TENM4: variants seen among roughly 807,000 people sequenced by gnomAD.
TENM4 encodes teneurin-4.
A neutral mutation model predicts 243.3 loss-of-function variants in TENM4; 82 were observed. The observed-to-expected ratio is 0.34, with a 90% CI of 0.28 to 0.40. The LOEUF (loss-of-function observed/expected upper bound fraction) is 0.40. Ranked by LOEUF, TENM4 falls within the 10% of genes least tolerant of loss-of-function variation. TENM4 has a pLI of 1.00. For missense variants in TENM4, 3,138 were observed against 3,673.3 expected, an observed-to-expected ratio of 0.85 and a Z score of 3.77; for synonymous variants, 1,412 against 1,456.3, an observed-to-expected ratio of 0.97 and a Z score of 0.69.
chr11:79,186,891 C>T lies in TENM4; in HGVS notation c.-163+28917G>A, dbSNP rs1025348425. Among the ~76,000 whole-genome samples the T allele has an allele frequency of 6.6e-5, 10 of 152,166 alleles. 1 individual carries two copies. In the South Asian group the frequency reaches 1.2e-3, roughly 19 times the overall value. The stretch of plus-strand genomic sequence containing the variant: ...ATTTACTGCATCTGAAACAGCCCCT[C>T]GGAGCCCGATTCTCTGGCTATTGGC... On this transcript the variant is annotated intron_variant, in intron 3 of 33. Coordinates refer to ENST00000278550, the MANE Select transcript of TENM4 (RefSeq NM_001098816.3).
At chr11:79,034,598 TA>T (rs1859330127) in intron 6 of TENM4, among the ~76,000 whole-genome samples, 1 of 152,002 alleles carries the variant, frequency 6.6e-6, no homozygotes, top group South Asian at 2.1e-4. Context: ...AATTTTTTTT[TA>T]AATTAGGTAT....
At chr11:78,720,463 G>C (rs1859622042) in intron 24 of TENM4, 73 bp from the exon 25 acceptor site, 5 of 1,554,574 alleles carry the variant, frequency 3.2e-6, no homozygotes, top group Middle Eastern at 1.7e-4. Context: ...AGCATTATTA[G>C]CAGCCTGAAA....
In TENM4 at chr11:79,176,329, T is replaced by G. The variant is rs183980290; in HGVS notation, c.-162-27523A>C. 2.2e-4 allele frequency among the ~76,000 whole-genome samples: 33 copies of G among 152,306 alleles called. No individual in the cohort carries two copies. The East Asian group carries it at 6.4e-3, about 29-fold the overall frequency. The stretch of plus-strand genomic sequence containing the variant: ...TTCTACACTCCATTTACTCCAGTTC[T>G]GCTCAATGGCCACTGACTCCTTGCC... On this transcript the variant is annotated intron_variant, in intron 3 of 33. Transcript: ENST00000278550.
intron 3 of TENM4, among the ~76,000 whole-genome samples, chr11:79,173,568 A>T (rs868118133): frequency 1.3e-5 from 2 of 152,298 alleles, no homozygotes; most frequent in Middle Eastern, 3.4e-3. Context: ...TCAATAATAA[A>T]CATGGTATTT....
chr11:78,843,440 T>C (rs1858308551), intron 12 of TENM4, among the ~76,000 whole-genome samples: 1 of 152,088 alleles, frequency 6.6e-6, no homozygotes, highest in Non-Finnish European at 1.5e-5. Flanking sequence ...CGAGCTATGA[T>C]TGTGCCACTG....
intron 28 of TENM4, among the ~76,000 whole-genome samples, chr11:78,695,236 G>A (rs1410093903): frequency 4.6e-5 from 7 of 151,964 alleles, no homozygotes; most frequent in Admixed American, 3.3e-4. Context: ...TTTTGGTAGA[G>A]ATGGGTATTT....
chr11:79,220,609 C>A (rs1274411876), intron 2 of TENM4, among the ~76,000 whole-genome samples: 1 of 152,170 alleles, frequency 6.6e-6, no homozygotes, highest in Non-Finnish European at 1.5e-5. Flanking sequence ...TTCCTCCTCA[C>A]AAATTTACCA....
chr11:79,139,785 T>A (rs11819872), intron 4 of TENM4, among the ~76,000 whole-genome samples: 658 of 18,872 alleles, frequency 0.035, 100 homozygotes, highest in Middle Eastern at 0.1. Flanking sequence ...ATAATATATA[T>A]TATATTTATA....
chr11:78,959,502 C>T (rs1311131482), intron 6 of TENM4, among the ~76,000 whole-genome samples: 1 of 152,114 alleles, frequency 6.6e-6, no homozygotes, highest in Admixed American at 6.6e-5. Context: ...TTTTGGGTTT[C>T]AGGAGAGAGG....
At chr11:78,711,397 T>G (rs912429502) in intron 26 of TENM4, among the ~76,000 whole-genome samples, 7 of 152,126 alleles carry the variant, frequency 4.6e-5, no homozygotes, top group African/African-American at 7.2e-5. Flanking sequence ...ATAAGGAAAA[T>G]GAGGCTCAGA....
chr11:79,016,104 A>C (rs1323631311), intron 6 of TENM4, among the ~76,000 whole-genome samples: 1 of 152,222 alleles, frequency 6.6e-6, no homozygotes, highest in African/African-American at 2.4e-5. Context: ...GGAGTATTGT[A>C]GGCATGGTCA....
intron 6 of TENM4, among the ~76,000 whole-genome samples, chr11:79,052,882 G>A (rs773378186): frequency 1.1e-4 from 17 of 152,218 alleles, no homozygotes; most frequent in Non-Finnish European, 2.5e-4. Flanking sequence ...CTTCTCAGGA[G>A]GCATTCCTGC....
chr11:79,185,169 A>G (rs576476309), intron 3 of TENM4, among the ~76,000 whole-genome samples: 1 of 152,212 alleles, frequency 6.6e-6, no homozygotes, highest in South Asian at 2.1e-4. Context: ...GTGGTGGCAC[A>G]TGCCTGCAGT....
At chr11:79,178,947 A>G (rs946820443) in intron 3 of TENM4, among the ~76,000 whole-genome samples, 1 of 152,256 alleles carries the variant, frequency 6.6e-6, no homozygotes, top group East Asian at 1.9e-4. Flanking sequence ...AGCAGAGGAA[A>G]TCAAATAAAA....
chr11:78,871,677 G>A (rs1181060686), intron 9 of TENM4, among the ~76,000 whole-genome samples: 2 of 152,180 alleles, frequency 1.3e-5, no homozygotes, highest in South Asian at 2.1e-4. Context: ...CTCATTGCTT[G>A]TTCTTCCATC....
chr11:79,302,423 T>A (rs1388195658), intron 1 of TENM4, among the ~76,000 whole-genome samples: 5 of 152,242 alleles, frequency 3.3e-5, no homozygotes, highest in Non-Finnish European at 1.5e-5. Flanking sequence ...CTCCACCCTA[T>A]GTTTTGCCTC....
intron 2 of TENM4, among the ~76,000 whole-genome samples, chr11:79,275,552 C>T (rs959713744): frequency 5.3e-5 from 8 of 152,190 alleles, no homozygotes; most frequent in Admixed American, 5.2e-4. Context: ...CCTTGGTTTC[C>T]TCATTTTCCT....
At chr11:78,855,018 T>C (rs1198688301) in intron 11 of TENM4, among the ~76,000 whole-genome samples, 1 of 152,208 alleles carries the variant, frequency 6.6e-6, no homozygotes, top group African/African-American at 2.4e-5. Context: ...GGTTAAGTCC[T>C]ACTGGCCTAT....
At chr11:79,111,293 C>T (rs1429351637) in intron 4 of TENM4, among the ~76,000 whole-genome samples, 1 of 152,166 alleles carries the variant, frequency 6.6e-6, no homozygotes, top group East Asian at 1.9e-4. Flanking sequence ...CACCTGTAAT[C>T]CCAGAACTTT....
Sources: gnomAD v4.1 joint callset for allele counts (sites outside exome capture counted in the v4.1 genomes callset) on GRCh38, gnomAD v4.1.1 for gene constraint, MANE v1.5 for transcripts, NCBI Gene and HGNC (gene_info 2026-07-23, HGNC 2026-07-21) for gene names.